PDE10A: variants seen among roughly 807,000 people sequenced by gnomAD.
PDE10A encodes cAMP and cAMP-inhibited cGMP 3',5'-cyclic phosphodiesterase 10A.
In PDE10A, 39 loss-of-function variants were observed where a neutral mutation model predicts 97.7. That is an observed-to-expected ratio of 0.40 (90% confidence interval 0.31 to 0.52). The LOEUF (loss-of-function observed/expected upper bound fraction) is 0.52, where lower values mean the gene tolerates loss of function less well. Ranked by LOEUF, PDE10A falls within the 20% of genes least tolerant of loss-of-function variation. The probability of loss-of-function intolerance (pLI) is 0.56; values close to 1 mark genes in which losing one functional copy is unlikely to be tolerated. For synonymous variants in PDE10A, 371 were observed against 376.8 expected (o/e 0.98, Z 0.18); for missense variants, 731 against 1,047.8 (o/e 0.70, Z 4.17).
chr6:165,548,658 A>C (rs1241851943), intron 1 of PDE10A, among the ~76,000 whole-genome samples: 2 of 152,210 alleles, frequency 1.3e-5, no homozygotes, highest in African/African-American at 2.4e-5. Flanking sequence ...TGTCAGCAGC[A>C]TTAGTGGCTC....
In PDE10A at chr6:165,661,715, C is replaced by G; in HGVS notation, c.865+232G>C. 1 of 444,072 alleles carries G rather than the reference C, an allele frequency of 2.3e-6. No homozygotes were observed. Among genetic ancestry groups the G allele is most frequent in the Non-Finnish European group, 3.9e-6 (1 of 254,236 alleles). 27.5% of individuals were successfully genotyped at this position (444,072 alleles called of 1,614,324 possible). A position where few individuals can be genotyped will look rare whatever the true frequency, so the allele number is the denominator to read the frequency against. ...CCGCCCTCCCGAGCCGCCCTTCCCCCGAGCGCTCGCGGAGCCTGGGAAACC... is the reference window on the plus strand; with the variant it reads ...CCGCCCTCCCGAGCCGCCCTTCCCCGGAGCGCTCGCGGAGCCTGGGAAACC... On this transcript the variant is annotated intron_variant, in intron 1 of 21. Coordinates refer to ENST00000539869, the MANE Select transcript of PDE10A (RefSeq NM_001385079.1). This position sits in a 1 kb window ranked among gnomAD's most constrained non-coding sequence, Gnocchi z 4.8.
chr6:165,604,871 GAT>G (rs563688460), intron 1 of PDE10A, among the ~76,000 whole-genome samples: 394 of 152,340 alleles, frequency 2.6e-3, no homozygotes, highest in Non-Finnish European at 5.1e-3. Flanking sequence ...TTACTTTGAA[GAT>G]TTTCCACATT....
chr6:165,636,744 G>A (rs973718364), intron 1 of PDE10A, among the ~76,000 whole-genome samples: 1 of 152,190 alleles, frequency 6.6e-6, no homozygotes, highest in Non-Finnish European at 1.5e-5. Flanking sequence ...ACTAATTGGA[G>A]GTGCAGAAAT....
intron 1 of PDE10A, among the ~76,000 whole-genome samples, chr6:165,842,656 G>A (rs1780294317): frequency 6.6e-6 from 1 of 152,160 alleles, no homozygotes; most frequent in African/African-American, 2.4e-5. Context: ...TTTATTGTGG[G>A]CCAAGGACGG....
At chr6:165,965,599 T>C (rs887035784) in intron 1 of PDE10A, among the ~76,000 whole-genome samples, 4 of 152,226 alleles carry the variant, frequency 2.6e-5, no homozygotes, top group Non-Finnish European at 5.9e-5. Context: ...TTTGTATTTC[T>C]TTGTCACTCA....
intron 1 of PDE10A, chr6:165,754,236 G>T (rs972355781): frequency 6.6e-6 from 1 of 152,170 alleles, no homozygotes; most frequent in African/African-American, 2.4e-5. Context: ...ACTGGGGCTT[G>T]CTCCCATTTG....
At chr6:165,631,792 G>GT (rs1283744876) in intron 1 of PDE10A, among the ~76,000 whole-genome samples, 9 of 151,558 alleles carry the variant, frequency 5.9e-5, no homozygotes, top group Non-Finnish European at 1.2e-4. Context: ...CATATAAAAC[G>GT]TAAGTTTAAC....
At chr6:165,646,125 G>A (rs1320862453) in intron 1 of PDE10A, among the ~76,000 whole-genome samples, 3 of 152,144 alleles carry the variant, frequency 2.0e-5, no homozygotes, top group East Asian at 1.9e-4. Context: ...TCAGGAACGC[G>A]AGGGCAAAGG....
intron 1 of PDE10A, among the ~76,000 whole-genome samples, chr6:165,609,339 G>A (rs1310158817): frequency 6.6e-6 from 1 of 152,162 alleles, no homozygotes; most frequent in Non-Finnish European, 1.5e-5. Flanking sequence ...CAATAAATTA[G>A]GTACTGATGG....
intron 1 of PDE10A, among the ~76,000 whole-genome samples, chr6:165,888,156 G>A (rs1163187520): frequency 6.6e-6 from 1 of 152,092 alleles, no homozygotes; most frequent in Non-Finnish European, 1.5e-5. Context: ...TTTCAAAGAG[G>A]TTACCTTGAT....
chr6:165,606,676 G>C (rs948534949), intron 1 of PDE10A, among the ~76,000 whole-genome samples: 4 of 152,156 alleles, frequency 2.6e-5, no homozygotes, highest in African/African-American at 9.7e-5. Context: ...GAGGAGGTAA[G>C]TGTACCAGGT....
At chr6:165,627,297 G>A (rs987072384) in intron 1 of PDE10A, among the ~76,000 whole-genome samples, 1 of 152,150 alleles carries the variant, frequency 6.6e-6, no homozygotes, top group Non-Finnish European at 1.5e-5. Context: ...ACTAAGGCCT[G>A]ATGTATTTTA....
At chr6:165,894,137 G>A in intron 1 of PDE10A, 1 of 359,490 alleles carries the variant, frequency 2.8e-6, no homozygotes, top group Non-Finnish European at 5.5e-6. Flanking sequence ...AATATGGCTT[G>A]ACTGGGTGTT....
chr6:165,928,107 T>C (rs1583296613), intron 1 of PDE10A, among the ~76,000 whole-genome samples: 1 of 151,718 alleles, frequency 6.6e-6, no homozygotes, highest in East Asian at 1.9e-4. Flanking sequence ...TACATAATTA[T>C]ATAAACACTA....
At chr6:165,335,972 G>T (rs1781619684) in intron 21 of PDE10A, 151 bp downstream of exon 21, 9 of 685,076 alleles carry the variant, frequency 1.3e-5, no homozygotes, top group South Asian at 1.3e-4. Flanking sequence ...CCCTGGGGAA[G>T]CCAGGTAAGG....
intron 1 of PDE10A, among the ~76,000 whole-genome samples, chr6:165,843,880 T>A (rs1434154439): frequency 3.9e-5 from 6 of 152,134 alleles, no homozygotes; most frequent in African/African-American, 1.4e-4. Flanking sequence ...GAGACCTGTG[T>A]GGGTGGCACT....
At chr6:165,784,057 A>T (rs1023700941) in intron 1 of PDE10A, among the ~76,000 whole-genome samples, 22 of 152,030 alleles carry the variant, frequency 1.4e-4, no homozygotes, top group Non-Finnish European at 2.2e-4. Context: ...GTCTCTACTA[A>T]AAATAAAAAA....
At chr6:165,687,623 C>T (rs556457003) in intron 1 of PDE10A, among the ~76,000 whole-genome samples, 37 of 152,236 alleles carry the variant, frequency 2.4e-4, no homozygotes. Flanking sequence ...ATACGAAGAC[C>T]AACTAACATT....
intron 1 of PDE10A, among the ~76,000 whole-genome samples, chr6:165,614,401 T>C (rs1787631417): frequency 6.6e-6 from 1 of 152,146 alleles, no homozygotes; most frequent in South Asian, 2.1e-4. Context: ...CTTCCTAGGA[T>C]AACTCCAAGC....
Sources: allele counts gnomAD v4.1 joint callset (sites outside exome capture counted in the v4.1 genomes callset), GRCh38; gene constraint gnomAD v4.1.1; non-coding constraint Gnocchi (gnomAD v3.1); transcripts MANE v1.5; gene names NCBI Gene and HGNC (gene_info 2026-07-23, HGNC 2026-07-21).